Variants in NEURL1 observed in about 807,000 individuals in gnomAD.
NEURL1 encodes the protein E3 ubiquitin-protein ligase NEURL1.
Under a neutral mutation model 41.2 loss-of-function variants are expected in NEURL1, and 26 were observed. The ratio of observed to expected loss-of-function variants is 0.63; its 90% CI spans 0.46 to 0.87. The LOEUF is 0.87. Ranked by LOEUF, NEURL1 falls within the 40% of genes least tolerant of loss-of-function variation. The pLI is 0.00. For missense variants in NEURL1, 761 were observed against 871.1 expected (o/e 0.87, Z 1.59); for synonymous variants, 400 against 402.3 (o/e 0.99, Z 0.07).
intron 1 of NEURL1, among the ~76,000 whole-genome samples, chr10:103,567,772 A>T (rs964723931): frequency 6.6e-6 from 1 of 152,134 alleles, no homozygotes; most frequent in Admixed American, 6.5e-5. Flanking sequence ...TCCCTTTCTT[A>T]CTGGTTCTGT....
chr10:103,571,302 C>T (rs1427499380), intron 2 of NEURL1, among the ~76,000 whole-genome samples, 189 bp downstream of exon 2: 3 of 149,198 alleles, frequency 2.0e-5, no homozygotes, highest in African/African-American at 7.8e-5. Flanking sequence ...CCCTGTGTGA[C>T]AAGGAAGGAA....
chr10:103,584,651 C>T lies in NEURL1; in HGVS notation c.765C>T (p.Leu255=). ...GCCTCTCGGTGAGCCTATGCGACCT[C>T]AACGTGCCGGGCGCGGACGGCGACG... ...DARLSVSLCD[L]NVPGADGDEA... The change falls in exon 4 of 6, where the codon CTC becomes CTT. Residue 255 remains leucine, a synonymous_variant. Coordinates refer to ENST00000369780, the MANE Select transcript of NEURL1 (RefSeq NM_004210.5). The T allele has an allele frequency of 7.0e-7, 1 of 1,428,544 alleles. No individual in the cohort carries two copies. Among genetic ancestry groups the T allele is most frequent in the Non-Finnish European group, 9.1e-7 (1 of 1,097,372 alleles). The allele number at this position is 1,428,544 out of a possible 1,614,324, so 88.5% of individuals were successfully genotyped here.
chr10:103,494,433 C>A lies in NEURL1; in HGVS notation c.46C>A (p.Pro16Thr). Residue 16 changes from proline to threonine, a missense_variant, in exon 1 of 6, where the codon CCG (proline) becomes ACG (threonine). Pro to Thr is a conservative substitution (Grantham distance 38). Around this residue, in one of 5 missense-constraint regions of NEURL1, gnomAD observed 94 missense variants for 96.6 expected, o/e 0.97. Transcript: ENST00000369780. ...TATCCCCTCGCTGCCCCGAGGAAAC[C>A]CGAGCCGCGCGCCGCGGGGCCACCC... ...SSIPSLPRGNPSRAPRGHPQN... is the reference protein window; with the variant it reads ...SSIPSLPRGNTSRAPRGHPQN... 1 of 1,598,714 alleles carries A rather than the reference C, an allele frequency of 6.3e-7. No individual in the cohort carries two copies. The highest frequency in any genetic ancestry group is 2.3e-5 in the East Asian group (1 of 44,042).
At chr10:103,511,695 G>T (rs2034075604) in intron 1 of NEURL1, 1 of 152,318 alleles carries the variant, frequency 6.6e-6, no homozygotes, top group Non-Finnish European at 1.5e-5. Context: ...TGACCACCGG[G>T]TGGGTTAGAT....
intron 1 of NEURL1, among the ~76,000 whole-genome samples, chr10:103,529,898 A>T (rs2034533890): frequency 6.6e-6 from 1 of 152,176 alleles, no homozygotes; most frequent in South Asian, 2.1e-4. Context: ...TTCAGACCCC[A>T]AGAGAGGGTT....
chr10:103,582,053 G>A (rs970875686), intron 3 of NEURL1, among the ~76,000 whole-genome samples: 1 of 152,160 alleles, frequency 6.6e-6, no homozygotes, highest in African/African-American at 2.4e-5. Context: ...GCTCTGTTCT[G>A]AGGGTCTGCC....
chr10:103,590,617 G>T lies in NEURL1; in HGVS notation c.*245G>T. 1.8e-6 allele frequency: 1 copy of T among 554,294 alleles called. No homozygotes were observed. Among genetic ancestry groups the T allele is most frequent in the Non-Finnish European group, 3.2e-6 (1 of 308,916 alleles). The allele number at this position is 554,294 out of a possible 1,614,324, so 34.3% of individuals were successfully genotyped here. ...AGGCCGCACTCTCCCTGTCTCTCCC[G>T]TCTCTGCACCCAGCTCCTCTCTGCA... On this transcript the variant is annotated 3_prime_UTR_variant, in exon 6 of 6. Coordinates refer to ENST00000369780, the MANE Select transcript of NEURL1 (RefSeq NM_004210.5).
intron 1 of NEURL1, among the ~76,000 whole-genome samples, chr10:103,499,808 C>T (rs1412634249): frequency 6.6e-6 from 1 of 151,630 alleles, no homozygotes; most frequent in Non-Finnish European, 1.5e-5. Context: ...CTATCTGAGT[C>T]CTCATCCCAG....
Position 103,558,207 on chromosome 10 carries a change from T to C in NEURL1, c.86-12665T>C. 1 of 985,436 alleles carries C rather than the reference T, an allele frequency of 1.0e-6. No homozygotes were observed. The highest frequency in any genetic ancestry group is 1.2e-6 in the Non-Finnish European group (1 of 830,000). The allele number at this position is 985,436 out of a possible 1,614,324, so 61.0% of individuals were successfully genotyped here. ...GTATTTTCTTTAGGGCCTTGGACTT[T>C]CGGCTTGATTCGGGCCAAACATTTT... On this transcript the variant is annotated intron_variant, in intron 1 of 5. Coordinates refer to ENST00000369780, the MANE Select transcript of NEURL1 (RefSeq NM_004210.5). This position sits in a 1 kb window ranked among gnomAD's most constrained non-coding sequence, Gnocchi z 4.2.
chr10:103,585,029 G>C lies in NEURL1; in HGVS notation c.1143G>C (p.Lys381Asn). 1.3e-6 allele frequency: 2 copies of C among 1,585,814 alleles called. No individual in the cohort carries two copies. Among genetic ancestry groups the C allele is most frequent in the Non-Finnish European group, 1.7e-6 (2 of 1,174,234 alleles). Residue 381 changes from lysine to asparagine, a missense_variant, in exon 4 of 6, where the codon AAG (lysine) becomes AAC (asparagine). Physicochemically the swap from Lys to Asn is moderately conservative, Grantham distance 94 (BLOSUM62 0). This residue lies in a region of NEURL1 where 443 missense variants were observed against 408.1 expected (regional missense o/e 1.09). Transcript: ENST00000369780. Reference protein sequence around the residue: ...PFSPEALVDRKEFWAVCRVPG... With the variant: ...PFSPEALVDRNEFWAVCRVPG... Reference sequence around the variant, plus strand: ...GCCCTGAGGCCCTGGTGGACCGCAAGGAATTCTGGGCCGTGTGCCGCGTGC... The same window carrying C: ...GCCCTGAGGCCCTGGTGGACCGCAACGAATTCTGGGCCGTGTGCCGCGTGC...
At chr10:103,576,976 G>A (rs982737264) in intron 3 of NEURL1, among the ~76,000 whole-genome samples, 1 of 152,184 alleles carries the variant, frequency 6.6e-6, no homozygotes, top group East Asian at 1.9e-4. Context: ...CCCAGCCGAG[G>A]ACCACACTGC....
chr10:103,500,794 G>C (rs1480094227), intron 1 of NEURL1, among the ~76,000 whole-genome samples: 1 of 152,232 alleles, frequency 6.6e-6, no homozygotes, highest in African/African-American at 2.4e-5. Flanking sequence ...ATACCATGCA[G>C]GTTCCCAGCC....
chr10:103,502,804 C>T (rs2033854221), intron 1 of NEURL1, among the ~76,000 whole-genome samples: 1 of 152,164 alleles, frequency 6.6e-6, no homozygotes, highest in African/African-American at 2.4e-5. Context: ...GGGCACTGCC[C>T]AGGGTGTGCC....
At chr10:103,589,430 G>A (rs560939213) in intron 4 of NEURL1, 84 bp from the exon 5 acceptor site, 6 of 1,468,200 alleles carry the variant, frequency 4.1e-6, no homozygotes, top group Middle Eastern at 1.8e-4. Context: ...GTCAGGCCTG[G>A]GAACCCACTG....
intron 1 of NEURL1, among the ~76,000 whole-genome samples, chr10:103,555,078 C>T (rs959939863): frequency 3.3e-5 from 5 of 152,086 alleles, no homozygotes; most frequent in African/African-American, 1.2e-4. Context: ...TGACAGATCC[C>T]ATCGGCTGTA....
At chr10:103,506,314 G>A (rs1422306464) in intron 1 of NEURL1, among the ~76,000 whole-genome samples, 1 of 152,168 alleles carries the variant, frequency 6.6e-6, no homozygotes, top group Non-Finnish European at 1.5e-5. Flanking sequence ...TGAGAGGGAG[G>A]GGAGGAGGCA....
intron 1 of NEURL1, among the ~76,000 whole-genome samples, chr10:103,527,605 C>A (rs917889939): frequency 1.3e-5 from 2 of 151,862 alleles, no homozygotes; most frequent in Admixed American, 1.3e-4. Flanking sequence ...TATTGTATCT[C>A]GTTTCATCAG....
intron 1 of NEURL1, among the ~76,000 whole-genome samples, chr10:103,525,266 G>T (rs1477621436): frequency 6.7e-6 from 1 of 149,648 alleles, no homozygotes; most frequent in Non-Finnish European, 1.5e-5. Flanking sequence ...ATTTTTGTAT[G>T]TTGATTTTGT....
At chr10:103,536,905 A>C (rs1382824526) in intron 1 of NEURL1, among the ~76,000 whole-genome samples, 5 of 152,206 alleles carry the variant, frequency 3.3e-5, no homozygotes, top group Non-Finnish European at 7.3e-5. Context: ...GTACCCATTA[A>C]ACACTAGCTT....
Sources: gnomAD v4.1 joint callset for allele counts (sites outside exome capture counted in the v4.1 genomes callset) on GRCh38, gnomAD v4.1.1 for gene constraint, gnomAD v4.1.1 regional missense constraint, Gnocchi (gnomAD v3.1) non-coding constraint, MANE v1.5 for transcripts, NCBI Gene and HGNC (gene_info 2026-07-23, HGNC 2026-07-21) for gene names.